The following TXNDC15 variants were observed in gnomAD, a reference collection of about 807,000 sequenced individuals.
The protein encoded by TXNDC15 is thioredoxin domain-containing protein 15.
Under a neutral mutation model 35.0 loss-of-function variants are expected in TXNDC15, and 24 were observed. The ratio of observed to expected loss-of-function variants is 0.68; its 90% CI spans 0.50 to 0.96. The LOEUF (loss-of-function observed/expected upper bound fraction) is 0.96, where lower values mean the gene tolerates loss of function less well. TXNDC15 is among the 40% of genes least tolerant of loss of function. TXNDC15 has a pLI of 0.00. For synonymous variants in TXNDC15, 169 were observed against 174.0 expected, an observed-to-expected ratio of 0.97 and a Z score of 0.23; for missense variants, 385 against 453.3, an observed-to-expected ratio of 0.85 and a Z score of 1.37.
At chr5:134,896,804 C>T (rs1291399518) in intron 4 of TXNDC15, among the ~76,000 whole-genome samples, 3 of 151,666 alleles carry the variant, frequency 2.0e-5, no homozygotes, top group South Asian at 2.1e-4. Flanking sequence ...CCACCATACC[C>T]GGCTAATTTT....
chr5:134,882,519 C>G (rs571915865), intron 1 of TXNDC15, among the ~76,000 whole-genome samples: 1 of 152,168 alleles, frequency 6.6e-6, no homozygotes, highest in Admixed American at 6.5e-5. Context: ...TGTAGCGAGC[C>G]GAGATCACGC....
At chr5:134,886,413 C>T (rs903404103) in intron 1 of TXNDC15, among the ~76,000 whole-genome samples, 2 of 152,240 alleles carry the variant, frequency 1.3e-5, no homozygotes, top group Non-Finnish European at 1.5e-5. Context: ...TGGTTGGTGC[C>T]TGGCACAAAG....
chr5:134,895,861 C>T lies in TXNDC15; in HGVS notation c.756-433C>T, dbSNP rs147671771. ...CCTGGTGTGTTTGTTAGATCATATACTCCCTTGTGCCAGCTTACCAAACCA... is the reference window on the plus strand; with the variant it reads ...CCTGGTGTGTTTGTTAGATCATATATTCCCTTGTGCCAGCTTACCAAACCA... On this transcript the variant is annotated intron_variant, in intron 3 of 4. Transcript: ENST00000358387. 2.3e-3 allele frequency among the ~76,000 whole-genome samples: 351 copies of T among 152,346 alleles called. 2 individuals carry two copies. Among genetic ancestry groups the T allele is most frequent in the African/African-American group, 8.1e-3 (337 of 41,574 alleles).
chr5:134,897,087 G>A (rs1056621881), intron 4 of TXNDC15, among the ~76,000 whole-genome samples: 2 of 151,410 alleles, frequency 1.3e-5, no homozygotes, highest in African/African-American at 2.4e-5. Flanking sequence ...GATTACAGGC[G>A]TGTGCCCAGC....
intron 1 of TXNDC15, among the ~76,000 whole-genome samples, chr5:134,887,084 G>T (rs565029973): frequency 6.6e-6 from 1 of 152,322 alleles, no homozygotes; most frequent in African/African-American, 2.4e-5. Flanking sequence ...TGAGATATCT[G>T]AACTGGAATG....
At chr5:134,889,065 C>T (rs1001006082) in intron 2 of TXNDC15, among the ~76,000 whole-genome samples, 1 of 152,220 alleles carries the variant, frequency 6.6e-6, no homozygotes, top group African/African-American at 2.4e-5. Context: ...GTGCACATAG[C>T]TCCTCCAAGG....
intron 4 of TXNDC15, among the ~76,000 whole-genome samples, chr5:134,897,519 G>C (rs540715440): frequency 4.6e-5 from 7 of 151,710 alleles, no homozygotes; most frequent in Admixed American, 2.0e-4. Flanking sequence ...AGAGTGCTCA[G>C]ATTACAGGTG....
chr5:134,884,495 G>A (rs1016898789), intron 1 of TXNDC15, among the ~76,000 whole-genome samples: 6 of 151,756 alleles, frequency 4.0e-5, no homozygotes, highest in South Asian at 2.1e-4. Context: ...TGATCTACCC[G>A]CCTCAGCCTC....
Position 134,874,511 on chromosome 5 carries a change from T to A in TXNDC15, c.84T>A (p.Leu28=). ...WWQVLLWVLG[L]PVRGVEVAEE... Reference sequence around the variant, plus strand: ...AAGTATTGCTGTGGGTGCTGGGACTTCCCGTCCGCGGCGTGGAGGGTGAGT... The same window carrying A: ...AAGTATTGCTGTGGGTGCTGGGACTACCCGTCCGCGGCGTGGAGGGTGAGT... The change falls in exon 1 of 5, where the codon CTT becomes CTA. Residue 28 remains leucine, a synonymous_variant. Coordinates refer to ENST00000358387, the MANE Select transcript of TXNDC15 (RefSeq NM_024715.4). 6.2e-7 allele frequency: 1 copy of A among 1,602,132 alleles called. No individual in the cohort carries two copies. Among genetic ancestry groups the A allele is most frequent in the Non-Finnish European group, 8.5e-7 (1 of 1,176,862 alleles).
chr5:134,894,358 AT>A (rs1193198045), intron 3 of TXNDC15, among the ~76,000 whole-genome samples: 5 of 131,976 alleles, frequency 3.8e-5, no homozygotes, highest in East Asian at 4.4e-4. Context: ...CAGGCTGGTC[AT>A]TTTTTTTTTC....
chr5:134,891,786 A>G (rs572214382), intron 2 of TXNDC15, among the ~76,000 whole-genome samples: 7 of 152,200 alleles, frequency 4.6e-5, no homozygotes. Flanking sequence ...CTTGCCAGGC[A>G]TGGTGGTGGG....
rs1235754556 is a variant in TXNDC15 at position 134,893,532 on chromosome 5, C to T, written c.632C>T (p.Thr211Ile). 1.2e-6 allele frequency: 2 copies of T among 1,614,094 alleles called. No homozygotes were observed. The highest frequency in any genetic ancestry group is 4.5e-5 in the East Asian group (2 of 44,902). Reference sequence around the variant, plus strand: ...CTGAACCCAAACGGTAGTGACTGTACTCTAGTCCTGTTTTACACCCCGTGG... The same window carrying T: ...CTGAACCCAAACGGTAGTGACTGTATTCTAGTCCTGTTTTACACCCCGTGG... ...DFLNPNGSDC[T>I]LVLFYTPWCR... Residue 211 changes from threonine (T) to isoleucine (I), a missense_variant, in exon 3 of 5, where the codon ACT (threonine) becomes ATT (isoleucine). Coordinates refer to ENST00000358387, the MANE Select transcript of TXNDC15 (RefSeq NM_024715.4).
chr5:134,875,871 T>C (rs1312838166), intron 1 of TXNDC15, among the ~76,000 whole-genome samples: 1 of 152,064 alleles, frequency 6.6e-6, no homozygotes, highest in Non-Finnish European at 1.5e-5. Context: ...TGGTCCACCA[T>C]GTTGGCCACG....
intron 4 of TXNDC15, among the ~76,000 whole-genome samples, chr5:134,898,829 C>G (rs984599708): frequency 6.6e-6 from 1 of 152,158 alleles, no homozygotes; most frequent in Non-Finnish European, 1.5e-5. Flanking sequence ...GATCCCAACA[C>G]TTTGGGAGGC....
chr5:134,882,672 C>A (rs1251195790), intron 1 of TXNDC15, among the ~76,000 whole-genome samples: 1 of 152,038 alleles, frequency 6.6e-6, no homozygotes, highest in African/African-American at 2.4e-5. Context: ...ACCCCGTCTC[C>A]ACCCAAAAAA....
rs567339954 is a variant in TXNDC15 at position 134,899,925 on chromosome 5, C to T, written c.*240C>T. On this transcript the variant is annotated 3_prime_UTR_variant, in exon 5 of 5. Transcript: ENST00000358387. ...ACTATTCTTGTTTTTACTGCATGAA[C>T]GTAATCCAGTATTTGGAAAGTAATC... 1.3e-5 allele frequency: 5 copies of T among 392,686 alleles called. No individual in the cohort carries two copies. The highest frequency in any genetic ancestry group is 9.4e-5 in the South Asian group (2 of 21,336). 24.3% of individuals were successfully genotyped at this position (392,686 alleles called of 1,614,324 possible).
At chr5:134,892,837 G>C (rs1182836154) in intron 2 of TXNDC15, 1 of 152,304 alleles carries the variant, frequency 6.6e-6, no homozygotes, top group Non-Finnish European at 1.5e-5. Context: ...GAGAGATGGG[G>C]AATAGCTGGT....
At chr5:134,899,354 T>G in intron 4 of TXNDC15, 135 bp from the exon 5 acceptor site, 1 of 685,082 alleles carries the variant, frequency 1.5e-6, no homozygotes, top group Non-Finnish European at 2.4e-6. Flanking sequence ...ATCCATCCCA[T>G]ATATTTATAT....
chr5:134,890,299 TGTTGTGA>T (rs1243966616), intron 2 of TXNDC15, among the ~76,000 whole-genome samples: 2 of 151,982 alleles, frequency 1.3e-5, no homozygotes, highest in Non-Finnish European at 2.9e-5. Flanking sequence ...CCCCTCAAAG[TGTTGTGA>T]GTCGTGAACC....
Sources: gnomAD v4.1 joint callset for allele counts (sites outside exome capture counted in the v4.1 genomes callset) on GRCh38, gnomAD v4.1.1 for gene constraint, MANE v1.5 for transcripts, NCBI Gene and HGNC (gene_info 2026-07-23, HGNC 2026-07-21) for gene names.